The following TAOK1 variants were observed in gnomAD, a reference collection of about 807,000 sequenced individuals.
TAOK1 encodes TAO kinase 1.
Under a neutral mutation model 138.3 loss-of-function variants are expected in TAOK1, and 21 were observed. That is an observed-to-expected ratio of 0.15 (90% CI 0.11 to 0.22). The LOEUF is 0.22. Ranked by LOEUF, TAOK1 falls within the 10% of genes least tolerant of loss-of-function variation. TAOK1 has a pLI of 1.00. For missense variants in TAOK1, 651 were observed against 1,227.7 expected (o/e 0.53, Z 7.02); for synonymous variants, 361 against 398.4 (o/e 0.91, Z 1.12).
chr17:29,434,201 G>T (rs1905951007), intron 1 of TAOK1, among the ~76,000 whole-genome samples: 1 of 152,138 alleles, frequency 6.6e-6, no homozygotes, highest in Non-Finnish European at 1.5e-5. Context: ...CTTCCTCTGA[G>T]CCCAATCCTA....
chr17:29,436,045 G>C (rs1468893465), intron 1 of TAOK1, among the ~76,000 whole-genome samples: 1 of 152,192 alleles, frequency 6.6e-6, no homozygotes, highest in Non-Finnish European at 1.5e-5. Context: ...CAAGGGAATC[G>C]GTTGAACCCG....
chr17:29,504,275 T>TAAAA (rs2031586790), intron 13 of TAOK1, among the ~76,000 whole-genome samples: 7 of 17,588 alleles, frequency 4.0e-4, no homozygotes, highest in African/African-American at 4.5e-4. Context: ...AGACCCTGTC[T>TAAAA]CAAAAAAAAA....
At chr17:29,457,778 C>A (rs915028578) in intron 2 of TAOK1, among the ~76,000 whole-genome samples, 4 of 151,830 alleles carry the variant, frequency 2.6e-5, no homozygotes, top group African/African-American at 9.7e-5. Flanking sequence ...GACTAAAGAT[C>A]TGGGTACCAT....
chr17:29,524,807 A>T (rs2031980814), intron 17 of TAOK1, among the ~76,000 whole-genome samples: 1 of 152,094 alleles, frequency 6.6e-6, no homozygotes, highest in Middle Eastern at 3.4e-3. Flanking sequence ...GTTGATTAGG[A>T]TTTGTGGGGG....
intron 1 of TAOK1, among the ~76,000 whole-genome samples, chr17:29,442,121 C>T (rs1222756370): frequency 6.6e-6 from 1 of 151,738 alleles, no homozygotes; most frequent in Non-Finnish European, 1.5e-5. Flanking sequence ...TGGTTCACTA[C>T]AGCCTCAACC....
chr17:29,469,787 C>T (rs1269944642), intron 3 of TAOK1, among the ~76,000 whole-genome samples: 2 of 152,038 alleles, frequency 1.3e-5, no homozygotes, highest in African/African-American at 4.8e-5. Flanking sequence ...TGTTGGCGTC[C>T]TTCATGAAAA....
At chr17:29,471,276 C>CTTT (rs759764241) in intron 3 of TAOK1, among the ~76,000 whole-genome samples, 90 of 81,778 alleles carry the variant, frequency 1.1e-3, no homozygotes, top group Non-Finnish European at 1.5e-3. Context: ...TATTTTCTTT[C>CTTT]TTTTTTTTTT....
At chr17:29,469,189 C>G (rs1406647673) in intron 3 of TAOK1, among the ~76,000 whole-genome samples, 9 of 151,708 alleles carry the variant, frequency 5.9e-5, no homozygotes, top group Non-Finnish European at 1.2e-4. Context: ...TCGAGACCAC[C>G]CTGGGGAACA....
At chr17:29,442,954 A>G (rs1354077698) in intron 1 of TAOK1, among the ~76,000 whole-genome samples, 1 of 152,076 alleles carries the variant, frequency 6.6e-6, no homozygotes, top group Non-Finnish European at 1.5e-5. Context: ...TCTTGCTGGT[A>G]TTTCTCAGTT....
chr17:29,538,143 C>T (rs912833824), intron 19 of TAOK1, among the ~76,000 whole-genome samples: 3 of 149,954 alleles, frequency 2.0e-5, no homozygotes, highest in East Asian at 1.9e-4. Context: ...TAAACATGGC[C>T]AAGCCAATAA....
chr17:29,507,972 G>A lies in TAOK1; in HGVS notation c.1415G>A (p.Arg472Gln). 3.1e-6 allele frequency: 5 copies of A among 1,614,006 alleles called. No homozygotes were observed. The highest frequency in any genetic ancestry group is 2.5e-6 in the Non-Finnish European group (3 of 1,179,958). ...ATGTCTGGCTATAAGCGAATGAGGC[G>A]ACAACATCAAAAGCAACTGATGACT... ...EQMSGYKRMR[R>Q]QHQKQLMTLE... Residue 472 changes from arginine (R) to glutamine (Q), a missense_variant, in exon 14 of 20, where the codon CGA becomes CAA. Physicochemically the swap from Arg to Gln is conservative, Grantham distance 43 (BLOSUM62 1). Around this residue, in one of 8 missense-constraint regions of TAOK1, gnomAD observed 258 missense variants for 548.9 expected, o/e 0.47. Transcript: ENST00000261716.
intron 1 of TAOK1, among the ~76,000 whole-genome samples, chr17:29,417,100 A>G (rs1320167607): frequency 3.9e-5 from 6 of 152,044 alleles, no homozygotes; most frequent in Non-Finnish European, 4.4e-5. Flanking sequence ...TGCAACCTCC[A>G]TCTCCTGGGT....
intron 1 of TAOK1, among the ~76,000 whole-genome samples, chr17:29,450,289 G>A (rs1310363318): frequency 1.3e-5 from 2 of 152,104 alleles, no homozygotes; most frequent in Non-Finnish European, 2.9e-5. Flanking sequence ...ATCTTGCTGT[G>A]TTGTCTGAGC....
chr17:29,436,642 A>C (rs1489323400), intron 1 of TAOK1, among the ~76,000 whole-genome samples: 1 of 152,246 alleles, frequency 6.6e-6, no homozygotes, highest in Non-Finnish European at 1.5e-5. Flanking sequence ...ATTGGCAAAG[A>C]AGTTTGGTTA....
chr17:29,534,380 G>T (rs1017359853), intron 19 of TAOK1, 80 bp downstream of exon 19: 6 of 1,279,614 alleles, frequency 4.7e-6, no homozygotes, highest in Non-Finnish European at 1.0e-6. Context: ...TTTCATGTTG[G>T]CAGAGGTCAC....
At chr17:29,471,311 C>T (rs1393153694) in intron 3 of TAOK1, among the ~76,000 whole-genome samples, 4 of 117,486 alleles carry the variant, frequency 3.4e-5, no homozygotes, top group Non-Finnish European at 5.0e-5. Flanking sequence ...GATGAAGTCT[C>T]ACTCTGTCGC....
intron 1 of TAOK1, among the ~76,000 whole-genome samples, chr17:29,425,566 C>T (rs1598476074): frequency 6.6e-6 from 1 of 152,122 alleles, no homozygotes; most frequent in African/African-American, 2.4e-5. Context: ...GTAGTCCCAG[C>T]TACTCGGGAG....
intron 1 of TAOK1, among the ~76,000 whole-genome samples, chr17:29,437,544 T>TA (rs1906072593): frequency 6.6e-6 from 1 of 152,132 alleles, no homozygotes; most frequent in African/African-American, 2.4e-5. Context: ...AACCTATTAT[T>TA]GAAAGTTATT....
chr17:29,496,433 C>T (rs929669982), intron 11 of TAOK1, among the ~76,000 whole-genome samples: 1 of 151,704 alleles, frequency 6.6e-6, no homozygotes, highest in Non-Finnish European at 1.5e-5. Flanking sequence ...CCTTTTTTGA[C>T]TGATTGTCCA....
Sources: gnomAD v4.1 joint callset for allele counts (sites outside exome capture counted in the v4.1 genomes callset) on GRCh38, gnomAD v4.1.1 for gene constraint, gnomAD v4.1.1 regional missense constraint, MANE v1.5 for transcripts, NCBI Gene and HGNC (gene_info 2026-07-23, HGNC 2026-07-21) for gene names.